IPO4: variants seen among roughly 807,000 people sequenced by gnomAD.
The protein encoded by IPO4 is importin-4.
Under a neutral mutation model 133.5 loss-of-function variants are expected in IPO4, and 91 were observed. The observed-to-expected ratio is 0.68, with a 90% confidence interval of 0.58 to 0.81. The LOEUF is 0.81. Among genes scored for constraint, IPO4 ranks in the 30% least tolerant of loss-of-function variants. The probability of loss-of-function intolerance (pLI) is 0.00; values close to 1 mark genes in which losing one functional copy is unlikely to be tolerated. For synonymous variants in IPO4, 607 were observed against 581.6 expected (o/e 1.04, Z -0.63); for missense variants, 1,279 against 1,386.2 (o/e 0.92, Z 1.23).
rs945987189 is a variant in IPO4 at position 24,182,785 on chromosome 14, C to A, written c.2472+7G>T. ...GCCTGGTCCCCGTTTTTATCCCTGGCTCTCACCTGATCATCATCTTCCTCT... is the reference window on the plus strand; with the variant it reads ...GCCTGGTCCCCGTTTTTATCCCTGGATCTCACCTGATCATCATCTTCCTCT... On this transcript the variant is annotated splice_region_variant and intron_variant, in intron 24 of 29. Coordinates refer to ENST00000354464, the MANE Select transcript of IPO4 (RefSeq NM_024658.4). 2 of 1,614,070 alleles carry A rather than the reference C, an allele frequency of 1.2e-6. No homozygotes were observed. Among genetic ancestry groups the A allele is most frequent in the African/African-American group, 2.7e-5 (2 of 74,934 alleles).
chr14:24,182,604 A>AG (rs1238297274), intron 24 of IPO4, 188 bp downstream of exon 24: 9 of 937,344 alleles, frequency 9.6e-6, no homozygotes, highest in Non-Finnish European at 1.5e-5. Context: ...AGCACACCCC[A>AG]GTCCACACTG....
In IPO4 at chr14:24,186,151, G is replaced by C; in HGVS notation, c.1037C>G (p.Pro346Arg). The C allele has an allele frequency of 6.2e-7, 1 of 1,614,068 alleles. No individual in the cohort carries two copies. The highest frequency in any genetic ancestry group is 1.3e-5 in the African/African-American group (1 of 75,028). ...TACCAGCTGGGGACAGAGCTTCTCG[G>C]GGGGCAGGTGTAGTGCCAGCATGTC... ...VVDMLALHLPPEKLCPQLMPM... is the reference protein window; with the variant it reads ...VVDMLALHLPREKLCPQLMPM... Residue 346 changes from proline to arginine, a missense_variant, in exon 11 of 30, where the codon CCC (proline) becomes CGC (arginine). By Grantham distance (103) the Pro-to-Arg change is moderately radical. Transcript: ENST00000354464.
intron 14 of IPO4, 32 bp from the exon 15 acceptor site, chr14:24,185,012 C>T: frequency 6.2e-7 from 1 of 1,605,114 alleles, no homozygotes; most frequent in Non-Finnish European, 8.5e-7. Context: ...TACCAACCAA[C>T]CCAGGTCTGC....
Position 24,184,408 on chromosome 14 carries a change from C to A in IPO4, c.1647G>T (p.Gly549=). ...PVQIQSLETL[G]VLARAVGEPM... ...GCTCCCCCACTGCTCGTGCCAGCAC[C>A]CCCAGTGTCTCTGTGGGGGCAAGGG... The change falls in exon 17 of 30, where the codon GGG becomes GGT. Residue 549 remains glycine, a synonymous_variant. Transcript: ENST00000354464. The A allele has an allele frequency of 3.1e-6, 5 of 1,609,726 alleles. No homozygotes were observed. Among genetic ancestry groups the A allele is most frequent in the Non-Finnish European group, 4.2e-6 (5 of 1,178,358 alleles).
chr14:24,184,985 G>A lies in IPO4; in HGVS notation c.1409-5C>T, dbSNP rs1270441275. The A allele has an allele frequency of 6.2e-7, 1 of 1,612,564 alleles. No individual in the cohort carries two copies. The highest frequency in any genetic ancestry group is 8.5e-7 in the Non-Finnish European group (1 of 1,179,228). ...GGTAGGGCTGCACCTTGGGCCCTGT[G>A]GGAAAGGATGCTCCTCTACCAACCA... On this transcript the variant is annotated splice_region_variant and splice_polypyrimidine_tract_variant and intron_variant, in intron 14 of 29. Transcript: ENST00000354464.
At position 24,181,731 on chromosome 14, in the gene IPO4, T is replaced by A. The variant is rs781070992; in HGVS notation, c.2920A>T (p.Thr974Ser). 1 of 1,602,946 alleles carries A rather than the reference T, an allele frequency of 6.2e-7. No individual in the cohort carries two copies. Among genetic ancestry groups the A allele is most frequent in the East Asian group, 2.2e-5 (1 of 44,760 alleles). ...CTCACCTGGGGCTCTGGTTTCCTGG[T>A]GGGACTGGCCATCAACAGGCGGGCA... The part of the protein sequence containing the change: ...ALARLLMASP[T>S]RKPEPQVLAA... Residue 974 changes from threonine (T) to serine (S), a missense_variant, in exon 27 of 30, where the codon ACC becomes TCC. Transcript: ENST00000354464.
rs372166868 is a variant in IPO4, at chr14:24,184,978, G to A, written c.1411C>T (p.Pro471Ser). 3.7e-6 allele frequency: 6 copies of A among 1,613,180 alleles called. No individual in the cohort carries two copies. The African/African-American group carries it at 6.7e-5, about 18-fold the overall frequency. ...ALENFVENLGPKVQPYLPELM... is the reference protein window; with the variant it reads ...ALENFVENLGSKVQPYLPELM... ...TCCGGAAGGTAGGGCTGCACCTTGG[G>A]CCCTGTGGGAAAGGATGCTCCTCTA... The change falls in exon 15 of 30, where the codon CCC (proline) becomes TCC (serine). Residue 471 changes from proline to serine, a missense_variant and splice_region_variant. Coordinates refer to ENST00000354464, the MANE Select transcript of IPO4 (RefSeq NM_024658.4).
At chr14:24,186,538 G>C (rs1052162972) in intron 9 of IPO4, 87 bp from the exon 10 acceptor site, 1 of 1,475,888 alleles carries the variant, frequency 6.8e-7, no homozygotes, top group Non-Finnish European at 9.1e-7. Context: ...AGGCCATAAG[G>C]GGTCTGACAG....
In IPO4 at chr14:24,184,774, G is replaced by T. The variant is rs919111297; in HGVS notation, c.1523-11C>A. The T allele has an allele frequency of 1.9e-6, 3 of 1,610,158 alleles. No individual in the cohort carries two copies. The highest frequency in any genetic ancestry group is 8.5e-7 in the Non-Finnish European group (1 of 1,177,436). ...CCTGGGCAGCCGTAGCTGCAGGATG[G>T]AAGGACAGAATCAGAGCTGGAGAGG... On this transcript the variant is annotated splice_polypyrimidine_tract_variant and intron_variant, in intron 15 of 29. Transcript: ENST00000354464.
rs2039211206 is a variant in IPO4, at chr14:24,185,778, T to C, written c.1169+83A>G. The C allele has an allele frequency of 3.5e-6, 4 of 1,138,226 alleles. No homozygotes were observed. The South Asian group carries it at 4.9e-5, about 14-fold the overall frequency. The allele number at this position is 1,138,226 out of a possible 1,614,324, so 70.5% of individuals were successfully genotyped here. A position where few individuals can be genotyped will look rare whatever the true frequency, so the allele number is the denominator to read the frequency against. The stretch of plus-strand genomic sequence containing the variant: ...AATGGGGGGAAACGCTGTTGATAAA[T>C]AAGCTTGAACAACAAGCGTAAACCA... On this transcript the variant is annotated intron_variant, in intron 12 of 29. Coordinates refer to ENST00000354464, the MANE Select transcript of IPO4 (RefSeq NM_024658.4).
At position 24,181,851 on chromosome 14, in the gene IPO4, A is replaced by G; in HGVS notation, c.2808-8T>C. ...AGCAGCTTGGGGAAGTGTCTGGTCC[A>G]CAGTCAAGGAATGGCCACACGCTCA... is the stretch of plus-strand genomic sequence containing the variant. On this transcript the variant is annotated splice_polypyrimidine_tract_variant and splice_region_variant and intron_variant, in intron 26 of 29. Coordinates refer to ENST00000354464, the MANE Select transcript of IPO4 (RefSeq NM_024658.4). 1.3e-6 allele frequency: 2 copies of G among 1,598,420 alleles called. No individual in the cohort carries two copies. The highest frequency in any genetic ancestry group is 1.7e-6 in the Non-Finnish European group (2 of 1,170,374).
chr14:24,188,133 CA>C, intron 4 of IPO4, 82 bp downstream of exon 4: 1 of 1,426,502 alleles, frequency 7.0e-7, no homozygotes, highest in Non-Finnish European at 9.7e-7. Flanking sequence ...CCCTGCCCCA[CA>C]AGTCCCAGCC....
rs1371291844 is a variant in IPO4 at position 24,182,317 on chromosome 14, T to C, written c.2559A>G (p.Pro853=). 3.1e-6 allele frequency: 5 copies of C among 1,613,798 alleles called. No homozygotes were observed. Among genetic ancestry groups the C allele is most frequent in the Middle Eastern group, 1.6e-4 (1 of 6,062 alleles). ...ATAATGGCAGGAAACCGGCAAAGAATGGGGCAAAGGAGTCTCCCCCAGCCG... is the reference window on the plus strand; with the variant it reads ...ATAATGGCAGGAAACCGGCAAAGAACGGGGCAAAGGAGTCTCCCCCAGCCG... ...AAAAGGDSFA[P]FFAGFLPLLV... The change falls in exon 25 of 30, where the codon CCA becomes CCG. Residue 853 remains proline (P), a synonymous_variant. Coordinates refer to ENST00000354464, the MANE Select transcript of IPO4 (RefSeq NM_024658.4).
In IPO4 at chr14:24,184,073, A is replaced by G; in HGVS notation, c.1794T>C (p.Gly598=). ...GTTCCAAGTGGGGCGCCAGGCCCTC[A>G]CCCATCAGACCCGATAAGGCTGCAA... The part of the protein sequence containing the change: ...SLFAALSGLM[G]EGLAPHLEQI... The change falls in exon 18 of 30, where the codon GGT becomes GGC. Residue 598 remains glycine (G), a synonymous_variant. Transcript: ENST00000354464. 6 of 1,592,690 alleles carry G rather than the reference A, an allele frequency of 3.8e-6. No homozygotes were observed. Among genetic ancestry groups the G allele is most frequent in the Non-Finnish European group, 5.1e-6 (6 of 1,170,786 alleles).
chr14:24,184,894 G>A lies in IPO4; in HGVS notation c.1495C>T (p.Leu499=), dbSNP rs375605917. Residue 499 remains leucine, a synonymous_variant, in exon 15 of 30, where the codon CTG becomes TTG. Coordinates refer to ENST00000354464, the MANE Select transcript of IPO4 (RefSeq NM_024658.4). The part of the protein sequence containing the change: ...RNPSSPRAKE[L]AVSALGAIAT... ...ATGGCTCCCAGGGCGCTCACAGCCA[G>A]CTCCTTGGCCCGGGGACTGCTGGGG... 1.6e-4 allele frequency: 257 copies of A among 1,613,944 alleles called. No individual in the cohort carries two copies. Among genetic ancestry groups the A allele is most frequent in the Non-Finnish European group, 2.1e-4 (249 of 1,180,002 alleles).
At chr14:24,184,494 T>C (rs1566643211) in intron 16 of IPO4, 76 bp from the exon 17 acceptor site, 1 of 1,530,534 alleles carries the variant, frequency 6.5e-7, no homozygotes. Context: ...CTGGGAGGGA[T>C]TCAGAAATCC....
At chr14:24,184,171 G>A in intron 17 of IPO4, 62 bp from the exon 18 acceptor site, 1 of 1,573,136 alleles carries the variant, frequency 6.4e-7, no homozygotes, top group Non-Finnish European at 8.7e-7. Flanking sequence ...CAGGATGGGG[G>A]AGCCCGGGAA....
chr14:24,182,901 A>AG (rs34130297), intron 23 of IPO4, 59 bp from the exon 24 acceptor site: 871,233 of 1,612,222 alleles, frequency 0.54, 245,735 homozygotes, highest in East Asian at 0.94. Context: ...TCATGGGGGT[A>AG]GGGGGTGGAC....
chr14:24,188,300 G>C (rs2039256055), intron 3 of IPO4, 43 bp from the exon 4 acceptor site: 2 of 1,613,172 alleles, frequency 1.2e-6, no homozygotes, highest in South Asian at 1.1e-5. Flanking sequence ...GCCTGCCCAA[G>C]AAAAGTCTCC....
Sources: gnomAD v4.1 joint callset for allele counts on GRCh38, gnomAD v4.1.1 for gene constraint, MANE v1.5 for transcripts, NCBI Gene and HGNC (gene_info 2026-07-23, HGNC 2026-07-21) for gene names.